Variants in TMF1 observed in about 807,000 individuals in gnomAD.
TMF1 encodes TATA element modulatory factor 1, also known as TATA element modulatory factor.
TMF1 carries 71 observed loss-of-function variants against 126.5 expected under a neutral mutation model. The observed-to-expected ratio is 0.56, with a 90% CI of 0.46 to 0.68. The LOEUF (loss-of-function observed/expected upper bound fraction) is 0.68, where lower values mean the gene tolerates loss of function less well. Among genes scored for constraint, TMF1 ranks in the 30% least tolerant of loss-of-function variants. TMF1 has a pLI of 0.00. For missense variants in TMF1, 1,259 were observed against 1,253.2 expected (o/e 1.00, Z -0.07); for synonymous variants, 461 against 430.5 (o/e 1.07, Z -0.88).
chr3:69,021,226 A>G lies in TMF1; in HGVS notation c.*1951T>C, dbSNP rs1447040218. On this transcript the variant is annotated 3_prime_UTR_variant, in exon 17 of 17. Coordinates refer to ENST00000398559, the MANE Select transcript of TMF1 (RefSeq NM_007114.3). ...CCTGATTTATAAATAGAACTTTATCATAGGTATATATGTATAGGAAAAAAC... is the reference window on the plus strand; with the variant it reads ...CCTGATTTATAAATAGAACTTTATCGTAGGTATATATGTATAGGAAAAAAC... The G allele has an allele frequency of 6.6e-6, 1 of 152,650 alleles. No homozygotes were observed. Among genetic ancestry groups the G allele is most frequent in the East Asian group, 1.9e-4 (1 of 5,206 alleles). 9.5% of individuals were successfully genotyped at this position (152,650 alleles called of 1,614,324 possible).
intron 5 of TMF1, among the ~76,000 whole-genome samples, chr3:69,040,119 C>T (rs1372936303): frequency 6.6e-6 from 1 of 152,104 alleles, no homozygotes; most frequent in African/African-American, 2.4e-5. Context: ...AAGAAAGTAA[C>T]AAATTCCCGA....
chr3:69,029,522 G>A (rs952356137), intron 11 of TMF1, among the ~76,000 whole-genome samples: 1 of 151,338 alleles, frequency 6.6e-6, no homozygotes, highest in Non-Finnish European at 1.5e-5. Flanking sequence ...TTGGCTCACT[G>A]CAACTTCCGC....
chr3:69,038,163 T>G (rs745925179), intron 8 of TMF1, among the ~76,000 whole-genome samples: 7 of 152,176 alleles, frequency 4.6e-5, no homozygotes, highest in Non-Finnish European at 4.4e-5. Flanking sequence ...CAACTGATGA[T>G]TTGATAAGAC....
chr3:69,041,190 T>C (rs1002943137), intron 5 of TMF1, among the ~76,000 whole-genome samples: 1 of 152,208 alleles, frequency 6.6e-6, no homozygotes, highest in Non-Finnish European at 1.5e-5. Context: ...TCTCTGATAT[T>C]GTAAGGCAAG....
chr3:69,040,099 T>A (rs1231934004), intron 5 of TMF1, among the ~76,000 whole-genome samples: 3 of 152,180 alleles, frequency 2.0e-5, no homozygotes, highest in Admixed American at 2.0e-4. Flanking sequence ...CTAATTTAAA[T>A]CTCATCATGA....
rs2091817019 is a variant in TMF1, at chr3:69,033,643, CTTG to C, written c.2303_2305del (p.Thr768del). On this transcript the variant is annotated inframe_deletion, in exon 10 of 17. Coordinates refer to ENST00000398559, the MANE Select transcript of TMF1 (RefSeq NM_007114.3). ...ATTTTCTATTTGTCGAAGCAATGGT[CTTG>C]TTGTTGATGAAACACTTTGACTCAG... is the stretch of plus-strand genomic sequence containing the variant. 2 of 1,613,964 alleles carry C rather than the reference CTTG, an allele frequency of 1.2e-6. No individual in the cohort carries two copies. Among genetic ancestry groups the C allele is most frequent in the South Asian group, 1.1e-5 (1 of 91,068 alleles).
intron 8 of TMF1, among the ~76,000 whole-genome samples, chr3:69,036,490 G>A (rs534616445): frequency 6.6e-6 from 1 of 152,180 alleles, no homozygotes; most frequent in Non-Finnish European, 1.5e-5. Context: ...AGGTGTATAA[G>A]CGAATGTGTA....
rs753172138 is a variant in TMF1, at chr3:69,039,002, T to A, written c.1835A>T (p.Asp612Val). 6.3e-7 allele frequency: 1 copy of A among 1,586,268 alleles called. No individual in the cohort carries two copies. Among genetic ancestry groups the A allele is most frequent in the Non-Finnish European group, 8.6e-7 (1 of 1,168,208 alleles). ...TTGTTTCTCAACCTCTTCTTTGCCA[T>A]CAAGGACCTATATGTTATAAAAACA... ...EELQHLKQVL[D>V]GKEEVEKQHR... is the part of the protein sequence containing the mutation. The change falls in exon 7 of 17, where the codon GAT becomes GTT. Residue 612 changes from aspartate (D) to valine (V), a missense_variant. By Grantham distance (152) the Asp-to-Val change is radical. Transcript: ENST00000398559.
intron 4 of TMF1, among the ~76,000 whole-genome samples, chr3:69,043,122 CAAGT>C (rs1421698472): frequency 2.6e-5 from 4 of 152,106 alleles, no homozygotes; most frequent in African/African-American, 7.2e-5. Context: ...GATATACAAG[CAAGT>C]GTTAATATGA....
chr3:69,024,558 A>G (rs2091756502), intron 15 of TMF1, among the ~76,000 whole-genome samples: 2 of 152,144 alleles, frequency 1.3e-5, no homozygotes, highest in South Asian at 2.1e-4. Context: ...GGTTGTATCG[A>G]CAGAGGCTTT....
At chr3:69,051,898 G>C in intron 1 of TMF1, 47 bp downstream of exon 1, 1 of 1,600,600 alleles carries the variant, frequency 6.2e-7, no homozygotes, top group Non-Finnish European at 8.5e-7. Context: ...TGCATCAAGA[G>C]AACAGCAGCC....
intron 2 of TMF1, among the ~76,000 whole-genome samples, chr3:69,044,858 T>C (rs183558948): frequency 6.6e-6 from 1 of 152,344 alleles, no homozygotes; most frequent in East Asian, 1.9e-4. Context: ...TAGTTGGGGA[T>C]CTACATACTC....
At position 69,022,714 on chromosome 3, in the gene TMF1, A is replaced by G. The variant is rs2091746258; in HGVS notation, c.*463T>C. Reference sequence around the variant, plus strand: ...ACTTTAACACTTAATGTACATTTTCATGAGCAGTAATTAAGATATGTTGAA... The same window carrying G: ...ACTTTAACACTTAATGTACATTTTCGTGAGCAGTAATTAAGATATGTTGAA... On this transcript the variant is annotated 3_prime_UTR_variant, in exon 17 of 17. Coordinates refer to ENST00000398559, the MANE Select transcript of TMF1 (RefSeq NM_007114.3). The G allele has an allele frequency of 6.6e-6, 1 of 152,524 alleles. No individual in the cohort carries two copies. Among genetic ancestry groups the G allele is most frequent in the South Asian group, 2.1e-4 (1 of 4,832 alleles). The allele number at this position is 152,524 out of a possible 1,614,324, so 9.4% of individuals were successfully genotyped here.
intron 9 of TMF1, 50 bp downstream of exon 9, chr3:69,034,973 A>G (rs1466373026): frequency 1.3e-6 from 2 of 1,499,200 alleles, no homozygotes; most frequent in African/African-American, 2.8e-5. Flanking sequence ...TTTTATTTCT[A>G]GAAAAACACA....
chr3:69,039,990 C>T (rs1306577833), intron 5 of TMF1, among the ~76,000 whole-genome samples: 1 of 152,198 alleles, frequency 6.6e-6, no homozygotes, highest in Admixed American at 6.5e-5. Flanking sequence ...TCAGTTTTGG[C>T]ATCACCAATT....
Position 69,025,568 on chromosome 3 carries a change from G to A in TMF1, c.3004C>T (p.His1002Tyr), listed in dbSNP as rs751017885. Reference sequence around the variant, plus strand: ...TTTAATTTTTCCAATACCTGTAAATGAGTGATTTCCCCTTCCCTTAGCTTT... The same window carrying A: ...TTTAATTTTTCCAATACCTGTAAATAAGTGATTTCCCCTTCCCTTAGCTTT... ...QLKLREGEIT[H>Y]LQLEIGNLEK... The change falls in exon 15 of 17, where the codon CAT (histidine) becomes TAT (tyrosine). Residue 1002 changes from histidine (H) to tyrosine (Y), a missense_variant. Transcript: ENST00000398559. 13 of 1,611,446 alleles carry A rather than the reference G, an allele frequency of 8.1e-6. No homozygotes were observed. The East Asian group carries it at 1.3e-4, about 17-fold the overall frequency.
At chr3:69,034,456 G>A (rs2091821569) in intron 9 of TMF1, among the ~76,000 whole-genome samples, 1 of 152,138 alleles carries the variant, frequency 6.6e-6, no homozygotes, top group African/African-American at 2.4e-5. Context: ...CTGGGCAACA[G>A]AGCAAGACTC....
Position 69,039,360 on chromosome 3 carries a change from C to T in TMF1, c.1827+191G>A, listed in dbSNP as rs185397792. On this transcript the variant is annotated intron_variant, in intron 6 of 16. Coordinates refer to ENST00000398559, the MANE Select transcript of TMF1 (RefSeq NM_007114.3). ...CAAGTGATCTGCCTGTCGCAGCCTC[C>T]GAAAGTGTTGGGATTACAGGCGTGA... is the stretch of plus-strand genomic sequence containing the variant. Among the ~76,000 whole-genome samples, 66 of 152,246 alleles carry T rather than the reference C, an allele frequency of 4.3e-4. No homozygotes were observed. In the East Asian group the frequency reaches 8.1e-3, roughly 19 times the overall value.
At position 69,035,022 on chromosome 3, in the gene TMF1, C is replaced by A. The variant is rs779445426; in HGVS notation, c.2244+1G>T. 6.2e-7 allele frequency: 1 copy of A among 1,613,282 alleles called. No individual in the cohort carries two copies. The highest frequency in any genetic ancestry group is 1.7e-5 in the Admixed American group (1 of 59,996). On this transcript the variant is annotated splice_donor_variant, in intron 9 of 16. Transcript: ENST00000398559. LOFTEE classifies it high-confidence loss of function. ...TGTGTTTTGGAAACCTGTGACAGTA[C>A]CTGCTGAAGTTCACCGATCTCATGG...
Sources: gnomAD v4.1 joint callset for allele counts (sites outside exome capture counted in the v4.1 genomes callset) on GRCh38, gnomAD v4.1.1 for gene constraint, MANE v1.5 for transcripts, NCBI Gene and HGNC (gene_info 2026-07-23, HGNC 2026-07-21) for gene names.